The following CNTNAP2 variants were observed in gnomAD, a reference collection of about 807,000 sequenced individuals.
CNTNAP2 encodes contactin associated protein 2, also known as contactin-associated protein-like 2.
In CNTNAP2, 98 loss-of-function variants were observed where a neutral mutation model predicts 155.2. The observed-to-expected ratio is 0.63, with a 90% CI of 0.54 to 0.75. The LOEUF (loss-of-function observed/expected upper bound fraction) is 0.75, where lower values mean the gene tolerates loss of function less well. CNTNAP2 is among the 30% of genes least tolerant of loss of function. The pLI is 0.00. For synonymous variants in CNTNAP2, 651 were observed against 631.2 expected, an observed-to-expected ratio of 1.03 and a Z score of -0.47; for missense variants, 1,727 against 1,688.1, an observed-to-expected ratio of 1.02 and a Z score of -0.40.
intron 1 of CNTNAP2, among the ~76,000 whole-genome samples, chr7:146,246,389 A>G (rs193194463): frequency 0.029 from 4,295 of 150,250 alleles, 213 homozygotes; most frequent in African/African-American, 0.1. Context: ...GGGGATAACT[A>G]AAAGGAGTGC....
At chr7:146,813,293 C>T (rs1803101945) in intron 2 of CNTNAP2, among the ~76,000 whole-genome samples, 1 of 152,156 alleles carries the variant, frequency 6.6e-6, no homozygotes, top group Admixed American at 6.5e-5. Context: ...ATGAAAGCAG[C>T]CAACAGAAGG....
At chr7:147,953,542 A>T (rs1800972354) in intron 14 of CNTNAP2, among the ~76,000 whole-genome samples, 1 of 152,214 alleles carries the variant, frequency 6.6e-6, no homozygotes, top group African/African-American at 2.4e-5. Context: ...TAAAAAAGGA[A>T]ATATCAATTC....
At chr7:148,349,691 G>A (rs755446994) in intron 21 of CNTNAP2, among the ~76,000 whole-genome samples, 2 of 152,124 alleles carry the variant, frequency 1.3e-5, no homozygotes, top group Non-Finnish European at 2.9e-5. Flanking sequence ...GTGAGCCACC[G>A]CGCCAGGCCA....
intron 1 of CNTNAP2, among the ~76,000 whole-genome samples, chr7:146,586,491 G>A (rs1270783703): frequency 6.6e-6 from 1 of 151,976 alleles, no homozygotes; most frequent in African/African-American, 2.4e-5. Context: ...TTAATATTAG[G>A]CTTAACATAA....
At chr7:146,805,485 C>T (rs979291027) in intron 2 of CNTNAP2, among the ~76,000 whole-genome samples, 2 of 151,984 alleles carry the variant, frequency 1.3e-5, no homozygotes, top group African/African-American at 4.8e-5. Context: ...GGATGAGGAA[C>T]CACTAGCCTG....
chr7:146,607,788 T>C (rs1484619161), intron 1 of CNTNAP2, among the ~76,000 whole-genome samples: 5 of 152,144 alleles, frequency 3.3e-5, no homozygotes, highest in African/African-American at 9.7e-5. Context: ...TTCACCATCT[T>C]TCTTCTTAAA....
intron 8 of CNTNAP2, among the ~76,000 whole-genome samples, chr7:147,216,086 A>G (rs536173454): frequency 4.7e-5 from 7 of 150,324 alleles, no homozygotes; most frequent in Admixed American, 1.3e-4. Context: ...GAAAAACAGT[A>G]GTTTATCTGG....
At chr7:147,168,334 A>G (rs974538661) in intron 8 of CNTNAP2, among the ~76,000 whole-genome samples, 1 of 151,906 alleles carries the variant, frequency 6.6e-6, no homozygotes, top group Non-Finnish European at 1.5e-5. Context: ...TTTGGGAATT[A>G]CTGATGTTAT....
At chr7:147,788,642 C>G (rs1797772515) in intron 13 of CNTNAP2, among the ~76,000 whole-genome samples, 1 of 152,138 alleles carries the variant, frequency 6.6e-6, no homozygotes, top group Non-Finnish European at 1.5e-5. Context: ...ACACCATCCT[C>G]TTTCCTGAGC....
At chr7:147,148,277 C>T (rs935532012) in intron 8 of CNTNAP2, among the ~76,000 whole-genome samples, 1 of 149,700 alleles carries the variant, frequency 6.7e-6, no homozygotes, top group Non-Finnish European at 1.5e-5. Context: ...GTAGTCCCAG[C>T]TACTTGGGAG....
At chr7:147,293,811 T>C (rs1408124717) in intron 8 of CNTNAP2, among the ~76,000 whole-genome samples, 1 of 152,214 alleles carries the variant, frequency 6.6e-6, no homozygotes, top group Non-Finnish European at 1.5e-5. Context: ...AGAAAACTTT[T>C]CATTAATATT....
intron 1 of CNTNAP2, among the ~76,000 whole-genome samples, chr7:146,220,419 A>G (rs1799187893): frequency 1.3e-5 from 2 of 152,178 alleles, no homozygotes; most frequent in Non-Finnish European, 2.9e-5. Context: ...TGCAGGAAGG[A>G]CACAAGCTCA....
intron 21 of CNTNAP2, among the ~76,000 whole-genome samples, chr7:148,351,744 C>CATAAAAAAAA (rs1682428241): frequency 2.3e-5 from 2 of 85,396 alleles, no homozygotes; most frequent in East Asian, 5.2e-4. Flanking sequence ...CTCTGTCTCA[C>CATAAAAAAAA]AAAAAAAAAA....
chr7:146,965,330 GTAAC>G (rs1212467289), intron 3 of CNTNAP2, among the ~76,000 whole-genome samples: 1 of 152,048 alleles, frequency 6.6e-6, no homozygotes, highest in Non-Finnish European at 1.5e-5. Context: ...TAAATGCAGA[GTAAC>G]TATTCATATC....
At chr7:147,907,512 G>A (rs1221475102) in intron 14 of CNTNAP2, among the ~76,000 whole-genome samples, 1 of 152,172 alleles carries the variant, frequency 6.6e-6, no homozygotes, top group Non-Finnish European at 1.5e-5. Flanking sequence ...GGGAGTGGAT[G>A]GGGTTGCTTC....
At position 146,265,510 on chromosome 7, in the gene CNTNAP2, G is replaced by A. The variant is rs184890849; in HGVS notation, c.97+148537G>A. Among the ~76,000 whole-genome samples, 438 of 148,574 alleles carry A rather than the reference G, an allele frequency of 2.9e-3. 2 individuals carry two copies. The highest frequency in any genetic ancestry group is 3.5e-3 in the Middle Eastern group (1 of 286). On this transcript the variant is annotated intron_variant, in intron 1 of 23. Coordinates refer to ENST00000361727, the MANE Select transcript of CNTNAP2 (RefSeq NM_014141.6). ...TTTCACTCCCGTCATCCAGACTGGA[G>A]TGCAGTGGTGTGATCTCAGCTCGCT... is the stretch of plus-strand genomic sequence containing the variant.
At chr7:146,528,352 T>C (rs970461590) in intron 1 of CNTNAP2, among the ~76,000 whole-genome samples, 1 of 152,170 alleles carries the variant, frequency 6.6e-6, no homozygotes, top group Non-Finnish European at 1.5e-5. Flanking sequence ...GTTAGTTTTC[T>C]CAACTGCAAA....
At chr7:146,472,396 G>A (rs1796813599) in intron 1 of CNTNAP2, among the ~76,000 whole-genome samples, 1 of 152,062 alleles carries the variant, frequency 6.6e-6, no homozygotes, top group Non-Finnish European at 1.5e-5. Flanking sequence ...AGTAGATAAC[G>A]GATTTCTGAA....
intron 21 of CNTNAP2, among the ~76,000 whole-genome samples, chr7:148,318,344 C>T (rs1487026344): frequency 2.0e-5 from 3 of 152,218 alleles, no homozygotes; most frequent in African/African-American, 7.2e-5. Context: ...AATGTTCACA[C>T]CCTTCAATGT....
Sources: allele counts gnomAD v4.1 joint callset (sites outside exome capture counted in the v4.1 genomes callset), GRCh38; gene constraint gnomAD v4.1.1; transcripts MANE v1.5; gene names NCBI Gene and HGNC (gene_info 2026-07-23, HGNC 2026-07-21).